Variants in SLC9A2 observed in about 807,000 individuals in gnomAD.
SLC9A2 encodes sodium/hydrogen exchanger 2.
In SLC9A2, 42 loss-of-function variants were observed where a neutral mutation model predicts 71.7. The observed-to-expected ratio is 0.59, with a 90% confidence interval of 0.46 to 0.76. The LOEUF is 0.76. SLC9A2 is among the 30% of genes least tolerant of loss of function. The pLI is 0.00. For synonymous variants in SLC9A2, 396 were observed against 392.5 expected, an observed-to-expected ratio of 1.01 and a Z score of -0.10; for missense variants, 829 against 1,017.4, an observed-to-expected ratio of 0.81 and a Z score of 2.52.
intron 7 of SLC9A2, among the ~76,000 whole-genome samples, chr2:102,696,709 T>C (rs1388472688): frequency 6.6e-6 from 1 of 152,214 alleles, no homozygotes; most frequent in Non-Finnish European, 1.5e-5. Flanking sequence ...TGTTTACTAC[T>C]GTAGACAGGG....
At chr2:102,665,714 C>G (rs368941898) in intron 3 of SLC9A2, among the ~76,000 whole-genome samples, 1 of 118,472 alleles carries the variant, frequency 8.4e-6, no homozygotes, top group Non-Finnish European at 1.6e-5. Context: ...GCGGAGCTTG[C>G]GGTGAGCCGA....
intron 2 of SLC9A2, among the ~76,000 whole-genome samples, chr2:102,664,851 G>C (rs1677103975): frequency 6.6e-6 from 1 of 152,146 alleles, no homozygotes; most frequent in African/African-American, 2.4e-5. Flanking sequence ...CAATAACTTT[G>C]AAATTGCCTC....
chr2:102,710,771 T>C lies in SLC9A2; in HGVS notation c.*2282T>C, dbSNP rs564094611. ...AATCTAAATATTGTCACAATCTAAA[T>C]TTCTGTAGTAGAGAGAGCCGTAGCC... On this transcript the variant is annotated 3_prime_UTR_variant, in exon 12 of 12. Coordinates refer to ENST00000233969, the MANE Select transcript of SLC9A2 (RefSeq NM_003048.6). The C allele has an allele frequency of 1.3e-5, 2 of 152,304 alleles. No individual in the cohort carries two copies. The highest frequency in any genetic ancestry group is 2.9e-5 in the Non-Finnish European group (2 of 68,028). 9.4% of individuals were successfully genotyped at this position (152,304 alleles called of 1,614,324 possible). A position where few individuals can be genotyped will look rare whatever the true frequency, so the allele number is the denominator to read the frequency against.
At chr2:102,634,631 T>C (rs1676433344) in intron 1 of SLC9A2, among the ~76,000 whole-genome samples, 2 of 152,232 alleles carry the variant, frequency 1.3e-5, no homozygotes, top group African/African-American at 2.4e-5. Flanking sequence ...TCTTCTGCCA[T>C]TGCTGTTATG....
intron 8 of SLC9A2, among the ~76,000 whole-genome samples, chr2:102,701,709 A>G (rs1217261042): frequency 6.6e-6 from 1 of 152,142 alleles, no homozygotes; most frequent in Non-Finnish European, 1.5e-5. Flanking sequence ...CCAATAAATA[A>G]CATAAAAATA....
chr2:102,653,640 C>G (rs1676877127), intron 1 of SLC9A2, among the ~76,000 whole-genome samples: 1 of 152,142 alleles, frequency 6.6e-6, no homozygotes, highest in Non-Finnish European at 1.5e-5. Context: ...ATTCTCCAAC[C>G]TTAGGAATGA....
Position 102,657,817 on chromosome 2 carries a change from C to T in SLC9A2, c.543C>T (p.Ser181=), listed in dbSNP as rs1275206560. 1.2e-6 allele frequency: 2 copies of T among 1,614,204 alleles called. No homozygotes were observed. Among genetic ancestry groups the T allele is most frequent in the East Asian group, 2.2e-5 (1 of 44,892 alleles). Residue 181 remains serine, a synonymous_variant, in exon 2 of 12, where the codon TCC becomes TCT. Coordinates refer to ENST00000233969, the MANE Select transcript of SLC9A2 (RefSeq NM_003048.6). The stretch of plus-strand genomic sequence containing the variant: ...CTGTGGTAGGGACACTTTGGAATTC[C>T]ATTGGCATTGGGGTGTCTTTGTTTG... The part of the protein sequence containing the change: ...WYAVVGTLWN[S]IGIGVSLFGI...
chr2:102,643,741 T>C (rs1416592923), intron 1 of SLC9A2, among the ~76,000 whole-genome samples: 1 of 152,206 alleles, frequency 6.6e-6, no homozygotes, highest in African/African-American at 2.4e-5. Context: ...TCTGTTTTTT[T>C]CTGCTTTTTT....
chr2:102,621,416 G>A (rs1472681591), intron 1 of SLC9A2, among the ~76,000 whole-genome samples: 1 of 149,646 alleles, frequency 6.7e-6, no homozygotes, highest in African/African-American at 2.5e-5. Flanking sequence ...TTTGAAAGCA[G>A]AAACCTCAGA....
intron 3 of SLC9A2, among the ~76,000 whole-genome samples, chr2:102,672,616 G>A (rs761344199): frequency 6.6e-6 from 1 of 152,112 alleles, no homozygotes; most frequent in Non-Finnish European, 1.5e-5. Context: ...GAAGTGGCTT[G>A]TGATAATTAA....
Position 102,709,591 on chromosome 2 carries a change from G to C in SLC9A2, c.*1102G>C, listed in dbSNP as rs1219467962. 6.5e-6 allele frequency: 1 copy of C among 152,746 alleles called. No individual in the cohort carries two copies. The highest frequency in any genetic ancestry group is 1.5e-5 in the Non-Finnish European group (1 of 68,016). The allele number at this position is 152,746 out of a possible 1,614,324, so 9.5% of individuals were successfully genotyped here. A position where few individuals can be genotyped will look rare whatever the true frequency, so the allele number is the denominator to read the frequency against. ...AATATTATTCAGGAAGCACTTTGGA[G>C]AATGTGGGAGTCCTACTGTTTTGCA... On this transcript the variant is annotated 3_prime_UTR_variant, in exon 12 of 12. Transcript: ENST00000233969.
chr2:102,656,669 C>T (rs1367325180), intron 1 of SLC9A2, among the ~76,000 whole-genome samples: 3 of 152,172 alleles, frequency 2.0e-5, no homozygotes, highest in Non-Finnish European at 4.4e-5. Context: ...ATGCAAGAAT[C>T]AGACGTTAAA....
Position 102,622,883 on chromosome 2 carries a change from C to T in SLC9A2, c.289+2746C>T, listed in dbSNP as rs184922198. Among the ~76,000 whole-genome samples the T allele has an allele frequency of 2.3e-3, 354 of 152,278 alleles. 2 individuals carry two copies. Among genetic ancestry groups the T allele is most frequent in the African/African-American group, 7.8e-3 (326 of 41,556 alleles). On this transcript the variant is annotated intron_variant, in intron 1 of 11. Transcript: ENST00000233969. ...GCTGCCACCTGTCTCTCTTTACTTC[C>T]GCTTTGGCCTCAGCCTTCTACAAGT...
chr2:102,619,737 G>GCTGCC lies in SLC9A2; in HGVS notation c.-102_-98dup. 1.0e-6 allele frequency: 1 copy of GCTGCC among 983,550 alleles called. No homozygotes were observed. Among genetic ancestry groups the GCTGCC allele is most frequent in the Non-Finnish European group, 1.4e-6 (1 of 727,786 alleles). The allele number at this position is 983,550 out of a possible 1,614,324, so 60.9% of individuals were successfully genotyped here. A position where few individuals can be genotyped will look rare whatever the true frequency, so the allele number is the denominator to read the frequency against. ...GCCGCAGCAGCGGCGGGTGGCTGTC[G>GCTGCC]CTGCCCTGCCCTGCACGGGGCAGGG... On this transcript the variant is annotated 5_prime_UTR_variant, in exon 1 of 12. Coordinates refer to ENST00000233969, the MANE Select transcript of SLC9A2 (RefSeq NM_003048.6). The surrounding 1 kb of genome is among the most constrained non-coding windows in gnomAD (Gnocchi z 4.3).
chr2:102,655,667 G>A (rs1676925345), intron 1 of SLC9A2, among the ~76,000 whole-genome samples: 2 of 152,202 alleles, frequency 1.3e-5, no homozygotes, highest in South Asian at 4.1e-4. Flanking sequence ...CTGAAACATT[G>A]AATGTGGTAC....
Position 102,665,328 on chromosome 2 carries a change from T to C in SLC9A2, c.982T>C (p.Phe328Leu). Reference sequence around the variant, plus strand: ...TTTGTCCTACATCACAGCTGAAATGTTTCACCTCTCAGGCATCATGGCGTA... The same window carrying C: ...TTTGTCCTACATCACAGCTGAAATGCTTCACCTCTCAGGCATCATGGCGTA... ...SYLSYITAEM[F>L]HLSGIMAITA... Residue 328 changes from phenylalanine (F) to leucine (L), a missense_variant, in exon 3 of 12, where the codon TTT becomes CTT. This residue lies in a region of SLC9A2 where 500 missense variants were observed against 726.3 expected (regional missense o/e 0.69). Coordinates refer to ENST00000233969, the MANE Select transcript of SLC9A2 (RefSeq NM_003048.6). The C allele has an allele frequency of 6.2e-7, 1 of 1,613,276 alleles. No individual in the cohort carries two copies. The highest frequency in any genetic ancestry group is 8.5e-7 in the Non-Finnish European group (1 of 1,179,318).
intron 1 of SLC9A2, among the ~76,000 whole-genome samples, chr2:102,648,207 T>C (rs1009825764): frequency 9.9e-5 from 15 of 152,152 alleles, no homozygotes; most frequent in Non-Finnish European, 2.1e-4. Context: ...TCAATAAACA[T>C]AATCCATCAT....
At position 102,704,536 on chromosome 2, in the gene SLC9A2, CA is replaced by C. The variant is rs1202254122; in HGVS notation, c.1846-7del. The stretch of plus-strand genomic sequence containing the variant: ...TTTTTTAATGTCCTCTATATGTTTT[CA>C]TTCCAGACTTTATCCTACAACAGAC... On this transcript the variant is annotated splice_region_variant and splice_polypyrimidine_tract_variant and intron_variant, in intron 9 of 11. Transcript: ENST00000233969. 1.2e-6 allele frequency: 2 copies of C among 1,610,736 alleles called. No homozygotes were observed. The highest frequency in any genetic ancestry group is 2.7e-5 in the African/African-American group (2 of 74,780).
chr2:102,680,264 A>G (rs1052397270), intron 3 of SLC9A2, among the ~76,000 whole-genome samples: 9 of 152,118 alleles, frequency 5.9e-5, no homozygotes, highest in Non-Finnish European at 1.5e-5. Flanking sequence ...AAAACATGTT[A>G]TAATTCAGAT....
Sources: gnomAD v4.1 joint callset for allele counts (sites outside exome capture counted in the v4.1 genomes callset) on GRCh38, gnomAD v4.1.1 for gene constraint, gnomAD v4.1.1 regional missense constraint, Gnocchi (gnomAD v3.1) non-coding constraint, MANE v1.5 for transcripts, NCBI Gene and HGNC (gene_info 2026-07-23, HGNC 2026-07-21) for gene names.